Variants in IGF1R observed in about 807,000 individuals in gnomAD.
The protein encoded by IGF1R is insulin like growth factor 1 receptor.
Under a neutral mutation model 144.6 loss-of-function variants are expected in IGF1R, and 44 were observed. That is an observed-to-expected ratio of 0.30 (90% CI 0.24 to 0.39). The LOEUF (loss-of-function observed/expected upper bound fraction) is 0.39. Among genes scored for constraint, IGF1R ranks in the 10% least tolerant of loss-of-function variants. The pLI is 1.00. For synonymous variants in IGF1R, 795 were observed against 722.8 expected, an observed-to-expected ratio of 1.10 and a Z score of -1.60; for missense variants, 1,355 against 1,833.7, an observed-to-expected ratio of 0.74 and a Z score of 4.77.
intron 2 of IGF1R, among the ~76,000 whole-genome samples, chr15:98,848,786 A>G (rs1002125321): frequency 2.0e-5 from 3 of 152,260 alleles, no homozygotes; most frequent in Non-Finnish European, 4.4e-5. Context: ...GCCAGAAATA[A>G]CATACAAATT....
At position 98,916,107 on chromosome 15, in the gene IGF1R, T is replaced by C. The variant is rs2015232704; in HGVS notation, c.1972T>C (p.Tyr658His). The part of the protein sequence containing the change: ...WQRQPQDGYL[Y>H]RHNYCSKDKI... ...GCGGCAGCCTCAGGACGGCTACCTT[T>C]ACCGGCACAATTACTGCTCCAAAGG... The change falls in exon 9 of 21, where the codon TAC becomes CAC. Residue 658 changes from tyrosine to histidine, a missense_variant. Tyr to His is a moderately conservative substitution (Grantham distance 83, BLOSUM62 2). Transcript: ENST00000650285. 1.2e-6 allele frequency: 2 copies of C among 1,614,180 alleles called. No individual in the cohort carries two copies. The highest frequency in any genetic ancestry group is 1.7e-6 in the Non-Finnish European group (2 of 1,180,018).
intron 2 of IGF1R, among the ~76,000 whole-genome samples, chr15:98,788,775 C>T (rs1477563097): frequency 2.6e-5 from 4 of 152,126 alleles, no homozygotes; most frequent in East Asian, 1.9e-4. Context: ...GAAACAGCCC[C>T]GGTCATCTTT....
chr15:98,836,419 C>G (rs1406022452), intron 2 of IGF1R, among the ~76,000 whole-genome samples: 1 of 150,970 alleles, frequency 6.6e-6, no homozygotes, highest in Non-Finnish European at 1.5e-5. Flanking sequence ...ACTTGGGAGG[C>G]TGAGGTGGGA....
intron 2 of IGF1R, among the ~76,000 whole-genome samples, chr15:98,811,584 A>C (rs760886504): frequency 6.6e-6 from 1 of 151,574 alleles, no homozygotes; most frequent in Non-Finnish European, 1.5e-5. Context: ...CTCCTTCCTT[A>C]TAACTTGTAT....
intron 2 of IGF1R, among the ~76,000 whole-genome samples, chr15:98,732,725 G>C (rs2054522366): frequency 6.6e-6 from 1 of 152,222 alleles, no homozygotes; most frequent in Non-Finnish European, 1.5e-5. Flanking sequence ...AAACAACAAA[G>C]GGTAGGAGTT....
intron 2 of IGF1R, among the ~76,000 whole-genome samples, chr15:98,854,948 C>T (rs533649955): frequency 1.3e-5 from 2 of 152,092 alleles, no homozygotes; most frequent in African/African-American, 4.8e-5. Flanking sequence ...CCTGCCCCCC[C>T]CAACACATGT....
At position 98,775,730 on chromosome 15, in the gene IGF1R, A is replaced by G. The variant is rs968743261; in HGVS notation, c.640+67623A>G. Among the ~76,000 whole-genome samples, 5 of 152,148 alleles carry G rather than the reference A, an allele frequency of 3.3e-5. No individual in the cohort carries two copies. The East Asian group carries it at 9.6e-4, about 29-fold the overall frequency. ...AGTACAGTGGGTCTCCCAGGTCAGA[A>G]TCCCCTGGGTTGCTTGTTAAAGCTC... On this transcript the variant is annotated intron_variant, in intron 2 of 20. Transcript: ENST00000650285.
At chr15:98,870,221 C>G (rs1270114940) in intron 2 of IGF1R, among the ~76,000 whole-genome samples, 1 of 152,234 alleles carries the variant, frequency 6.6e-6, no homozygotes, top group Non-Finnish European at 1.5e-5. Context: ...CTTTTCATCT[C>G]GCACAACTGA....
At chr15:98,772,740 A>T (rs2055619866) in intron 2 of IGF1R, among the ~76,000 whole-genome samples, 1 of 151,016 alleles carries the variant, frequency 6.6e-6, no homozygotes, top group East Asian at 1.9e-4. Flanking sequence ...CCAAAAGGTC[A>T]CTTTTTTTTT....
chr15:98,956,617 C>T (rs1374108728), intron 20 of IGF1R, among the ~76,000 whole-genome samples: 6 of 152,290 alleles, frequency 3.9e-5, no homozygotes, highest in Admixed American at 2.6e-4. Context: ...GGGGAAGCTG[C>T]GGTCACTCAT....
intron 2 of IGF1R, among the ~76,000 whole-genome samples, chr15:98,879,083 C>T (rs551088862): frequency 2.0e-5 from 3 of 152,248 alleles, no homozygotes; most frequent in Admixed American, 6.5e-5. Context: ...ATGACCTCGC[C>T]CCAGAACGCC....
chr15:98,942,160 G>C (rs555753026), intron 18 of IGF1R, among the ~76,000 whole-genome samples: 2 of 152,230 alleles, frequency 1.3e-5, no homozygotes, highest in South Asian at 2.1e-4. Context: ...TTATTAAGCA[G>C]TGAAATTATT....
chr15:98,865,206 A>G (rs1268602509), intron 2 of IGF1R, among the ~76,000 whole-genome samples: 2 of 152,194 alleles, frequency 1.3e-5, no homozygotes, highest in South Asian at 2.1e-4. Flanking sequence ...ATCATGCACT[A>G]AGGGTTATTT....
At chr15:98,788,641 A>G (rs2056061324) in intron 2 of IGF1R, among the ~76,000 whole-genome samples, 2 of 152,344 alleles carry the variant, frequency 1.3e-5, no homozygotes, top group South Asian at 4.1e-4. Flanking sequence ...TATACTGCTC[A>G]GCCTTGATTG....
chr15:98,957,465 A>C lies in IGF1R; in HGVS notation c.*23A>C, dbSNP rs2017049288. ...TGATCCTTGGATCCTGAATCTGTGC[A>C]AACAGTAACGTGTGCGCACGCGCAG... On this transcript the variant is annotated 3_prime_UTR_variant, in exon 21 of 21. Coordinates refer to ENST00000650285, the MANE Select transcript of IGF1R (RefSeq NM_000875.5). The C allele has an allele frequency of 6.2e-7, 1 of 1,612,398 alleles. No individual in the cohort carries two copies. Among genetic ancestry groups the C allele is most frequent in the African/African-American group, 1.3e-5 (1 of 74,914 alleles).
At chr15:98,755,081 A>G (rs746554777) in intron 2 of IGF1R, among the ~76,000 whole-genome samples, 2 of 152,216 alleles carry the variant, frequency 1.3e-5, no homozygotes, top group Non-Finnish European at 2.9e-5. Flanking sequence ...TATATAGAAA[A>G]TTGTGTGTCC....
At position 98,791,278 on chromosome 15, in the gene IGF1R, T is replaced by C. The variant is rs537802177; in HGVS notation, c.640+83171T>C. Among the ~76,000 whole-genome samples the C allele has an allele frequency of 2.0e-5, 3 of 152,352 alleles. No individual in the cohort carries two copies. The South Asian group carries it at 6.2e-4, about 32-fold the overall frequency. ...TTCAAATGCAACAGCTGTAATGATA[T>C]TCTGTATCTTGAAAAACTTAAAAAA... On this transcript the variant is annotated intron_variant, in intron 2 of 20. Transcript: ENST00000650285.
chr15:98,775,230 CCCACCT>C (rs1206394427), intron 2 of IGF1R, among the ~76,000 whole-genome samples: 14 of 152,314 alleles, frequency 9.2e-5, no homozygotes, highest in Admixed American at 9.2e-4. Flanking sequence ...CCTCGTTCCC[CCCACCT>C]CCACATGGAA....
intron 9 of IGF1R, among the ~76,000 whole-genome samples, 191 bp downstream of exon 9, chr15:98,916,322 C>A (rs557458250): frequency 6.9e-6 from 1 of 145,490 alleles, no homozygotes; most frequent in Admixed American, 7.1e-5. Context: ...AGTGCAGTGG[C>A]ACGATCATGG....
Sources: gnomAD v4.1 joint callset for allele counts (sites outside exome capture counted in the v4.1 genomes callset) on GRCh38, gnomAD v4.1.1 for gene constraint, MANE v1.5 for transcripts, NCBI Gene and HGNC (gene_info 2026-07-23, HGNC 2026-07-21) for gene names.